Variants in ARSK observed in about 807,000 individuals in gnomAD.
ARSK encodes arylsulfatase family member K.
Under a neutral mutation model 53.2 loss-of-function variants are expected in ARSK, and 37 were observed. The observed-to-expected ratio is 0.70, with a 90% CI of 0.54 to 0.92. ARSK has a LOEUF of 0.92. Ranked by LOEUF, ARSK falls within the 40% of genes least tolerant of loss-of-function variation. The pLI, the probability that ARSK is intolerant of heterozygous loss-of-function variation, is 0.00. For synonymous variants in ARSK, 208 were observed against 223.2 expected (o/e 0.93, Z 0.61); for missense variants, 613 against 643.0 (o/e 0.95, Z 0.51).
rs767709967 is a variant in ARSK, at chr5:95,566,005, G to A, written c.134G>A (p.Arg45Lys). The A allele has an allele frequency of 1.2e-6, 2 of 1,609,078 alleles. No homozygotes were observed. The highest frequency in any genetic ancestry group is 2.2e-5 in the East Asian group (1 of 44,714). The change falls in exon 2 of 8, where the codon AGG (arginine) becomes AAG (lysine). Residue 45 changes from arginine to lysine, a missense_variant. Arg to Lys is a conservative substitution (Grantham distance 26). Coordinates refer to ENST00000380009, the MANE Select transcript of ARSK (RefSeq NM_198150.3). ...VLVVSDSFDGRLTFHPGSQVV... is the reference protein window; with the variant it reads ...VLVVSDSFDGKLTFHPGSQVV... The stretch of plus-strand genomic sequence containing the variant: ...AAATTTCTTTATTTCCAGGATGGAA[G>A]GTTAACATTTCATCCAGGAAGTCAG...
In ARSK at chr5:95,582,909, C is replaced by T; in HGVS notation, c.417-7C>T. 6.4e-7 allele frequency: 1 copy of T among 1,571,750 alleles called. No homozygotes were observed. The highest frequency in any genetic ancestry group is 8.7e-7 in the Non-Finnish European group (1 of 1,155,416). ...CTGACAATATATGTGTCTTTTTGCC[C>T]CCTCAGTAATCGTGTGGAAGCGTGG... On this transcript the variant is annotated splice_region_variant and splice_polypyrimidine_tract_variant and intron_variant, in intron 3 of 7. Coordinates refer to ENST00000380009, the MANE Select transcript of ARSK (RefSeq NM_198150.3).
At chr5:95,558,668 G>T (rs1007372292) in intron 1 of ARSK, among the ~76,000 whole-genome samples, 42 of 152,242 alleles carry the variant, frequency 2.8e-4, no homozygotes, top group Middle Eastern at 3.4e-3. Context: ...GAAGAAATAG[G>T]CAATCTGAAT....
chr5:95,580,913 TA>T, intron 3 of ARSK: 2 of 1,288,394 alleles, frequency 1.6e-6, no homozygotes, highest in Non-Finnish European at 2.0e-6. Flanking sequence ...GTGGGTCAAC[TA>T]ATCAAAGAAG....
chr5:95,602,607 A>G (rs1245544705), intron 7 of ARSK, among the ~76,000 whole-genome samples: 1 of 152,186 alleles, frequency 6.6e-6, no homozygotes, highest in Non-Finnish European at 1.5e-5. Context: ...TTAGATTGGT[A>G]TACTAGTTAT....
At position 95,578,599 on chromosome 5, in the gene ARSK, A is replaced by G. The variant is rs1748968733; in HGVS notation, c.417-4317A>G. ...TGATTGTGAGACTTACCAGAAACAC[A>G]TTAGCTGCTATAATCCCATCAATAA... On this transcript the variant is annotated intron_variant, in intron 3 of 7. Transcript: ENST00000380009. 2.0e-5 allele frequency among the ~76,000 whole-genome samples: 3 copies of G among 152,318 alleles called. No homozygotes were observed. The South Asian group carries it at 6.2e-4, about 32-fold the overall frequency.
chr5:95,601,519 G>A (rs952693721), intron 7 of ARSK, among the ~76,000 whole-genome samples: 1 of 152,194 alleles, frequency 6.6e-6, no homozygotes, highest in Non-Finnish European at 1.5e-5. Context: ...GGATACCTGT[G>A]TGAGGTCTCA....
At chr5:95,603,152 C>CG (rs1749432739) in intron 7 of ARSK, 85 bp from the exon 8 acceptor site, 4 of 1,064,646 alleles carry the variant, frequency 3.8e-6, no homozygotes, top group African/African-American at 1.6e-5. Context: ...AAAAAAAAAT[C>CG]TAATACATTA....
chr5:95,591,191 T>C (rs1294611327), intron 5 of ARSK, among the ~76,000 whole-genome samples: 2 of 152,146 alleles, frequency 1.3e-5, no homozygotes, highest in East Asian at 1.9e-4. Context: ...CCCATGGGTA[T>C]TATATTTTCT....
chr5:95,562,959 C>T (rs1445225395), intron 1 of ARSK, among the ~76,000 whole-genome samples: 1 of 152,206 alleles, frequency 6.6e-6, no homozygotes, highest in Non-Finnish European at 1.5e-5. Context: ...TTGTAAACCA[C>T]ATTAACATAC....
At chr5:95,571,253 T>A (rs1748826239) in intron 3 of ARSK, among the ~76,000 whole-genome samples, 1 of 152,260 alleles carries the variant, frequency 6.6e-6, no homozygotes, top group East Asian at 1.9e-4. Flanking sequence ...CTGTAACTTT[T>A]ATTCTTCTAT....
chr5:95,566,247 A>T, intron 2 of ARSK, 120 bp downstream of exon 2: 1 of 1,246,824 alleles, frequency 8.0e-7, no homozygotes, highest in Non-Finnish European at 1.1e-6. Flanking sequence ...AATTGTTTTA[A>T]TATAAAAGAT....
Position 95,555,680 on chromosome 5 carries a change from A to G in ARSK, c.126+276A>G, listed in dbSNP as rs113547792. 1.6e-3 allele frequency among the ~76,000 whole-genome samples: 240 copies of G among 152,194 alleles called. 3 individuals carry two copies. Among genetic ancestry groups the G allele is most frequent in the African/African-American group, 5.6e-3 (234 of 41,502 alleles). ...CCTCGATTCGCTAAATTATTTTACC[A>G]CGACTAATGAACTTTCAGTCCATAC... is the stretch of plus-strand genomic sequence containing the variant. On this transcript the variant is annotated intron_variant, in intron 1 of 7. Transcript: ENST00000380009. This position sits in a 1 kb window ranked among gnomAD's most constrained non-coding sequence, Gnocchi z 4.0.
chr5:95,599,763 A>G (rs1373685770), intron 6 of ARSK, among the ~76,000 whole-genome samples: 2 of 152,212 alleles, frequency 1.3e-5, no homozygotes, highest in Admixed American at 1.3e-4. Context: ...ATATGAAACA[A>G]CTACCTTCAG....
chr5:95,556,285 GA>G (rs1433884860), intron 1 of ARSK: 72 of 700,086 alleles, frequency 1.0e-4, no homozygotes, highest in Non-Finnish European at 1.2e-4. Context: ...TTATCTTTGT[GA>G]TTTAAACTTA....
intron 1 of ARSK, among the ~76,000 whole-genome samples, chr5:95,558,723 A>G (rs1748571066): frequency 6.6e-6 from 1 of 152,248 alleles, no homozygotes; most frequent in African/African-American, 2.4e-5. Context: ...TTTTAAAACT[A>G]CCAACAAAGA....
At chr5:95,578,627 A>G (rs1315469563) in intron 3 of ARSK, among the ~76,000 whole-genome samples, 1 of 152,176 alleles carries the variant, frequency 6.6e-6, no homozygotes, top group African/African-American at 2.4e-5. Flanking sequence ...ATCAATAACA[A>G]TGAGAAAAAG....
intron 6 of ARSK, chr5:95,600,503 G>A: frequency 2.5e-6 from 1 of 394,454 alleles, no homozygotes; most frequent in Non-Finnish European, 4.8e-6. Flanking sequence ...TTAACTATTT[G>A]TTGAAGGCTC....
Position 95,555,327 on chromosome 5 carries a change from C to G in ARSK, c.49C>G (p.Leu17Val), listed in dbSNP as rs774891593. 2.5e-6 allele frequency: 4 copies of G among 1,608,392 alleles called. No homozygotes were observed. The highest frequency in any genetic ancestry group is 2.5e-6 in the Non-Finnish European group (3 of 1,179,368). ...SVVAALALAV[L>V]APGAGEQRRR... Reference sequence around the variant, plus strand: ...GGTCGCAGCCTTGGCGCTGGCGGTACTGGCCCCCGGAGCAGGGGAGCAGAG... The same window carrying G: ...GGTCGCAGCCTTGGCGCTGGCGGTAGTGGCCCCCGGAGCAGGGGAGCAGAG... Residue 17 changes from leucine to valine, a missense_variant, in exon 1 of 8, where the codon CTG (leucine) becomes GTG (valine). Physicochemically the swap from Leu to Val is conservative, Grantham distance 32. Coordinates refer to ENST00000380009, the MANE Select transcript of ARSK (RefSeq NM_198150.3). This position sits in a 1 kb window ranked among gnomAD's most constrained non-coding sequence, Gnocchi z 4.0.
At chr5:95,596,465 T>C (rs1340655179) in intron 6 of ARSK, among the ~76,000 whole-genome samples, 2 of 152,198 alleles carry the variant, frequency 1.3e-5, no homozygotes, top group Non-Finnish European at 2.9e-5. Context: ...AAAATTTGTT[T>C]TGAAATTGAT....
Sources: gnomAD v4.1 joint callset for allele counts (sites outside exome capture counted in the v4.1 genomes callset) on GRCh38, gnomAD v4.1.1 for gene constraint, Gnocchi (gnomAD v3.1) non-coding constraint, MANE v1.5 for transcripts, NCBI Gene and HGNC (gene_info 2026-07-23, HGNC 2026-07-21) for gene names.